LIFR: variants seen among roughly 807,000 people sequenced by gnomAD.
LIFR encodes leukemia inhibitory factor receptor.
LIFR carries 84 observed loss-of-function variants against 122.2 expected under a neutral mutation model. The ratio of observed to expected loss-of-function variants is 0.69; its 90% CI spans 0.58 to 0.82. The LOEUF is 0.82. LIFR is among the 40% of genes least tolerant of loss of function. LIFR has a pLI of 0.00. For missense variants in LIFR, 1,294 were observed against 1,311.6 expected (o/e 0.99, Z 0.21); for synonymous variants, 422 against 434.7 (o/e 0.97, Z 0.36).
rs116916794 is a variant in LIFR at position 38,490,666 on chromosome 5, C to T, written c.2066-375G>A. On this transcript the variant is annotated intron_variant, in intron 14 of 19. Transcript: ENST00000453190. ...CCAGGCTGGAGTGCAGGGTCATGATCTTAGCTCACTGCAACTTCCGCCTCC... is the reference window on the plus strand; with the variant it reads ...CCAGGCTGGAGTGCAGGGTCATGATTTTAGCTCACTGCAACTTCCGCCTCC... The T allele has an allele frequency of 6.3e-3, 967 of 152,960 alleles. 17 individuals are homozygous for T. The highest frequency in any genetic ancestry group is 0.034 in the Admixed American group (508 of 15,088). 9.5% of individuals were successfully genotyped at this position (152,960 alleles called of 1,614,324 possible).
upstream of LIFR, among the ~76,000 whole-genome samples, chr5:38,600,056 C>A (rs1054155508): frequency 4.6e-5 from 7 of 152,214 alleles, no homozygotes; most frequent in African/African-American, 1.7e-4. Context: ...AAACCTTGGT[C>A]TCCACAATCC....
rs1004157228 is a variant in LIFR at position 38,477,879 on chromosome 5, A to G, written c.*3716T>C. 4.6e-6 allele frequency: 1 copy of G among 215,674 alleles called. No homozygotes were observed. Among genetic ancestry groups the G allele is most frequent in the African/African-American group, 2.3e-5 (1 of 44,304 alleles). 13.4% of individuals were successfully genotyped at this position (215,674 alleles called of 1,614,324 possible). A position where few individuals can be genotyped will look rare whatever the true frequency, so the allele number is the denominator to read the frequency against. On this transcript the variant is annotated 3_prime_UTR_variant, in exon 20 of 20. Coordinates refer to ENST00000453190, the MANE Select transcript of LIFR (RefSeq NM_001127671.2). The stretch of plus-strand genomic sequence containing the variant: ...ATTTTACACTTTCAAAATAAGAAAA[A>G]AGGCATTTCATAAAATGCACACAAA...
intron 14 of LIFR, among the ~76,000 whole-genome samples, chr5:38,491,834 G>T (rs1258735493): frequency 1.8e-4 from 28 of 152,154 alleles, no homozygotes; most frequent in Admixed American, 1.8e-3. Context: ...GTTTAGTTTT[G>T]TAACATTTTT....
chr5:38,567,456 CTGTT>C (rs1169193725), intron 1 of LIFR, among the ~76,000 whole-genome samples: 1 of 151,370 alleles, frequency 6.6e-6, no homozygotes, highest in Non-Finnish European at 1.5e-5. Flanking sequence ...TTTATTAAAG[CTGTT>C]TGGTTTTTAT....
In LIFR at chr5:38,499,504, G is replaced by T; in HGVS notation, c.1671+9C>A. ...AATGTAAATGTTCACAGAAAAATTA[G>T]ATATTTACCTTCCAATAGATTATTA... On this transcript the variant is annotated intron_variant, in intron 12 of 19. Transcript: ENST00000453190. The T allele has an allele frequency of 6.5e-7, 1 of 1,539,622 alleles. No individual in the cohort carries two copies. Among genetic ancestry groups the T allele is most frequent in the Non-Finnish European group, 9.0e-7 (1 of 1,112,286 alleles).
intron 1 of LIFR, among the ~76,000 whole-genome samples, chr5:38,552,212 T>TA (rs1014597132): frequency 2.0e-5 from 3 of 152,206 alleles, no homozygotes; most frequent in African/African-American, 7.2e-5. Context: ...ATAAAAAAGT[T>TA]AAAAACCATC....
Position 38,479,163 on chromosome 5 carries a change from A to G in LIFR, c.*2432T>C, listed in dbSNP as rs950116307. 8.6e-6 allele frequency: 2 copies of G among 231,774 alleles called. No individual in the cohort carries two copies. The highest frequency in any genetic ancestry group is 1.7e-5 in the Non-Finnish European group (2 of 117,172). 14.4% of individuals were successfully genotyped at this position (231,774 alleles called of 1,614,324 possible). On this transcript the variant is annotated 3_prime_UTR_variant, in exon 20 of 20. Transcript: ENST00000453190. ...AGAGGTAATATCCTGGGATCTACAC[A>G]AGGGTCTAGCTGTCTTGAATTCAAT...
At chr5:38,592,129 A>C (rs1561231194) in intron 1 of LIFR, among the ~76,000 whole-genome samples, 2 of 152,158 alleles carry the variant, frequency 1.3e-5, no homozygotes, top group Non-Finnish European at 2.9e-5. Context: ...TCATGCCTTA[A>C]AGGTGGTGCC....
At chr5:38,561,448 G>T (rs986065129), upstream of LIFR, among the ~76,000 whole-genome samples, 5 of 152,212 alleles carry the variant, frequency 3.3e-5, no homozygotes, top group Admixed American at 2.0e-4. Context: ...TACCTACCTC[G>T]TAGGGTTGTA....
chr5:38,587,979 A>G (rs1441123380), intron 1 of LIFR, among the ~76,000 whole-genome samples: 1 of 152,232 alleles, frequency 6.6e-6, no homozygotes, highest in East Asian at 1.9e-4. Context: ...TTGCTACTGT[A>G]GAATTTGGAA....
chr5:38,518,648 AATG>A, intron 5 of LIFR, among the ~76,000 whole-genome samples: 1 of 152,240 alleles, frequency 6.6e-6, no homozygotes, highest in South Asian at 2.1e-4. Flanking sequence ...AATACTTGAT[AATG>A]ATAATAAATG....
intron 6 of LIFR, among the ~76,000 whole-genome samples, chr5:38,511,371 G>A (rs1320888929): frequency 2.6e-5 from 4 of 152,036 alleles, no homozygotes; most frequent in African/African-American, 9.7e-5. Flanking sequence ...TTTACTTAAT[G>A]TACGGATGCT....
At position 38,563,108 on chromosome 5, in the gene LIFR, C is replaced by T. The variant is rs116109902; in HGVS notation, c.-20+32153G>A. 2.5e-3 allele frequency among the ~76,000 whole-genome samples: 377 copies of T among 152,268 alleles called. 1 individual carries two copies. The highest frequency in any genetic ancestry group is 8.4e-3 in the African/African-American group (348 of 41,554). On this transcript the variant is annotated intron_variant, in intron 1 of 19. Coordinates refer to the LIFR transcript ENST00000263409. ...ATTTAAGGTAACTGAGGACGCCACTCTCAAAGGGAAAGTCTGCAGCTTGGA... is the reference window on the plus strand; with the variant it reads ...ATTTAAGGTAACTGAGGACGCCACTTTCAAAGGGAAAGTCTGCAGCTTGGA...
At chr5:38,561,858 C>T (rs759762714) in intron 1 of LIFR, among the ~76,000 whole-genome samples, 1 of 152,184 alleles carries the variant, frequency 6.6e-6, no homozygotes, top group Non-Finnish European at 1.5e-5. Flanking sequence ...TTTACCATCA[C>T]CTCCTGTCCT....
At chr5:38,584,954 C>T (rs181143129) in intron 1 of LIFR, among the ~76,000 whole-genome samples, 1 of 152,242 alleles carries the variant, frequency 6.6e-6, no homozygotes. Context: ...TTAATACATG[C>T]ATCTCATCAC....
upstream of LIFR, among the ~76,000 whole-genome samples, chr5:38,560,039 G>T (rs1748773782): frequency 6.6e-6 from 1 of 152,158 alleles, no homozygotes; most frequent in African/African-American, 2.4e-5. Flanking sequence ...ACCTTGAGTT[G>T]ATGGTGGTTT....
intron 4 of LIFR, 102 bp downstream of exon 4, chr5:38,527,053 G>T: frequency 9.5e-7 from 1 of 1,057,870 alleles, no homozygotes; most frequent in Non-Finnish European, 1.4e-6. Context: ...TGAATTAAAA[G>T]TAATAGCATA....
intron 3 of LIFR, among the ~76,000 whole-genome samples, chr5:38,527,838 A>C (rs551245085): frequency 4.6e-5 from 7 of 152,290 alleles, no homozygotes; most frequent in South Asian, 2.1e-4. Context: ...AGCCCTTGAT[A>C]TCTCTCCAGA....
At chr5:38,487,916 T>G (rs923624790) in intron 16 of LIFR, among the ~76,000 whole-genome samples, 2 of 152,196 alleles carry the variant, frequency 1.3e-5, no homozygotes, top group Non-Finnish European at 2.9e-5. Context: ...CCACACAGAT[T>G]TCACAATCTT....
Sources: allele counts gnomAD v4.1 joint callset (sites outside exome capture counted in the v4.1 genomes callset), GRCh38; gene constraint gnomAD v4.1.1; transcripts MANE v1.5; gene names NCBI Gene and HGNC (gene_info 2026-07-23, HGNC 2026-07-21).